ABCA1: variants seen among roughly 807,000 people sequenced by gnomAD.
The protein encoded by ABCA1 is phospholipid-transporting ATPase ABCA1.
A neutral mutation model predicts 262.5 loss-of-function variants in ABCA1; 133 were observed. The ratio of observed to expected loss-of-function variants is 0.51; its 90% confidence interval spans 0.44 to 0.59. The LOEUF (loss-of-function observed/expected upper bound fraction) is 0.59. ABCA1 is among the 20% of genes least tolerant of loss of function. ABCA1 has a pLI of 0.00. For missense variants in ABCA1, 2,452 were observed against 2,777.5 expected (o/e 0.88, Z 2.63); for synonymous variants, 1,022 against 1,043.5 (o/e 0.98, Z 0.40).
chr9:104,869,690 T>C (rs1338241033), intron 5 of ABCA1, among the ~76,000 whole-genome samples: 1 of 152,104 alleles, frequency 6.6e-6, no homozygotes, highest in Non-Finnish European at 1.5e-5. Flanking sequence ...GCCAGGGGTG[T>C]GTGGTACACA....
At chr9:104,796,513 G>A (rs1334870926) in intron 37 of ABCA1, 89 bp from the exon 38 acceptor site, 4 of 972,830 alleles carry the variant, frequency 4.1e-6, no homozygotes, top group Non-Finnish European at 6.5e-6. Context: ...GACAAGAAAG[G>A]GCAGATAAAC....
intron 1 of ABCA1, among the ~76,000 whole-genome samples, chr9:104,910,944 T>G (rs1190320356): frequency 6.6e-6 from 1 of 152,196 alleles, no homozygotes; most frequent in African/African-American, 2.4e-5. Context: ...TGACCTCAAG[T>G]GATCTACCTG....
At chr9:104,812,891 G>C (rs1242461938) in intron 27 of ABCA1, among the ~76,000 whole-genome samples, 169 bp from the exon 28 acceptor site, 4 of 152,228 alleles carry the variant, frequency 2.6e-5, no homozygotes, top group Admixed American at 1.3e-4. Context: ...GGAAAAGCTT[G>C]ACTCAAAATG....
intron 10 of ABCA1, 91 bp from the exon 11 acceptor site, chr9:104,837,187 C>T: frequency 8.6e-7 from 1 of 1,165,772 alleles, no homozygotes. Flanking sequence ...GATACCCCAT[C>T]ACAGCAGCCC....
intron 5 of ABCA1, among the ~76,000 whole-genome samples, chr9:104,881,992 CTTTTACTGCCCAAGGAAAGCACAG>C (rs1309112254): frequency 1.6e-5 from 2 of 128,882 alleles, no homozygotes; most frequent in African/African-American, 5.8e-5. Flanking sequence ...CCCATTGCCT[CTTTTACTGCCCAAGGAAAGCACAG>C]TTCTGTAGCC....
intron 1 of ABCA1, among the ~76,000 whole-genome samples, chr9:104,926,426 C>T (rs1370250552): frequency 6.8e-6 from 1 of 148,114 alleles, no homozygotes; most frequent in Admixed American, 6.9e-5. Context: ...TACCAATGGC[C>T]TGGGAGTTGG....
chr9:104,806,618 A>C (rs1306343108), intron 30 of ABCA1, among the ~76,000 whole-genome samples, 188 bp from the exon 31 acceptor site: 1 of 152,228 alleles, frequency 6.6e-6, no homozygotes, highest in East Asian at 1.9e-4. Flanking sequence ...GACATCATTT[A>C]TATCATCATT....
At position 104,920,640 on chromosome 9, in the gene ABCA1, T is replaced by C. The variant is rs1470675026; in HGVS notation, c.-93+7295A>G. Among the ~76,000 whole-genome samples, 5 of 152,256 alleles carry C rather than the reference T, an allele frequency of 3.3e-5. No individual in the cohort carries two copies. The South Asian group carries it at 1.0e-3, about 32-fold the overall frequency. Reference sequence around the variant, plus strand: ...GATTCTTCTGCCTAAGCCTCCTGAGTAGCTGGGATTACAGGCTTGCACCAC... The same window carrying C: ...GATTCTTCTGCCTAAGCCTCCTGAGCAGCTGGGATTACAGGCTTGCACCAC... On this transcript the variant is annotated intron_variant, in intron 1 of 49. Transcript: ENST00000374736.
chr9:104,862,057 C>CACACACACACACACACACACAT (rs1836451378), intron 5 of ABCA1, among the ~76,000 whole-genome samples: 1 of 148,960 alleles, frequency 6.7e-6, no homozygotes, highest in African/African-American at 2.5e-5. Context: ...GTTACACACA[C>CACACACACACACACACACACAT]ACACACACAC....
Position 104,812,726 on chromosome 9 carries a change from C to T in ABCA1, c.3902-4G>A. 6.2e-7 allele frequency: 1 copy of T among 1,614,214 alleles called. No homozygotes were observed. Among genetic ancestry groups the T allele is most frequent in the Non-Finnish European group, 8.5e-7 (1 of 1,180,032 alleles). The stretch of plus-strand genomic sequence containing the variant: ...AGCAAGTCTGTCTCTCTGGATTCTG[C>T]AAGAAGCCAACACTGAAGGTCACCT... On this transcript the variant is annotated splice_region_variant and splice_polypyrimidine_tract_variant and intron_variant, in intron 27 of 49. Transcript: ENST00000374736.
At chr9:104,862,478 C>T (rs2119108342) in intron 5 of ABCA1, among the ~76,000 whole-genome samples, 1 of 152,042 alleles carries the variant, frequency 6.6e-6, no homozygotes, top group African/African-American at 2.4e-5. Flanking sequence ...TCCTGTCTCC[C>T]CACTGCCTTT....
At chr9:104,819,010 C>A in intron 22 of ABCA1, 127 bp from the exon 23 acceptor site, 1 of 865,872 alleles carries the variant, frequency 1.2e-6, no homozygotes, top group Non-Finnish European at 1.9e-6. Context: ...CCACCTTTCA[C>A]CCTGTATGGC....
At chr9:104,868,301 G>A (rs146744108) in intron 5 of ABCA1, among the ~76,000 whole-genome samples, 6,608 of 152,216 alleles carry the variant, frequency 0.043, 146 homozygotes, top group African/African-American at 0.049. Flanking sequence ...GCAGTGAGCC[G>A]AGATCACGCC....
In ABCA1 at chr9:104,796,171, G is replaced by A. The variant is rs1335780959; in HGVS notation, c.5264C>T (p.Pro1755Leu). 6.2e-7 allele frequency: 1 copy of A among 1,614,008 alleles called. No individual in the cohort carries two copies. The highest frequency in any genetic ancestry group is 8.5e-7 in the Non-Finnish European group (1 of 1,180,028). The change falls in exon 39 of 50, where the codon CCA becomes CTA. Residue 1755 changes from proline (P) to leucine (L), a missense_variant. Physicochemically the swap from Pro to Leu is moderately conservative, Grantham distance 98. Coordinates refer to ENST00000374736, the MANE Select transcript of ABCA1 (RefSeq NM_005502.4). ...GGGGATCTTGAACACAAAGGAGGCT[G>A]GGTACATGAGAGGTGTGATTGACCA... is the stretch of plus-strand genomic sequence containing the variant. ...YGWSITPLMY[P>L]ASFVFKIPST... is the part of the protein sequence containing the mutation.
Position 104,802,069 on chromosome 9 carries a change from G to A in ABCA1, c.4683C>T (p.His1561=). 1 of 1,614,072 alleles carries A rather than the reference G, an allele frequency of 6.2e-7. No individual in the cohort carries two copies. The highest frequency in any genetic ancestry group is 1.1e-5 in the South Asian group (1 of 91,074). Residue 1561 remains histidine (H), a synonymous_variant, in exon 34 of 50, where the codon CAC becomes CAT. Transcript: ENST00000374736. ...VNDAIKQMKK[H]LKLAKDSSAD... is the part of the protein sequence containing the mutation. The stretch of plus-strand genomic sequence containing the variant: ...GATATTTTACCTTGGCCAGCTTTAG[G>A]TGTTTCTTCATTTGTTTGATGGCAT...
chr9:104,883,410 C>T (rs201892652), intron 4 of ABCA1, among the ~76,000 whole-genome samples: 6 of 152,136 alleles, frequency 3.9e-5, no homozygotes, highest in Non-Finnish European at 7.3e-5. Context: ...CTTCAAGGCC[C>T]GGCTCATCAT....
intron 9 of ABCA1, among the ~76,000 whole-genome samples, chr9:104,839,216 A>G (rs1834135648): frequency 6.6e-6 from 1 of 152,226 alleles, no homozygotes; most frequent in Non-Finnish European, 1.5e-5. Flanking sequence ...ATGGAGACAC[A>G]GGGTTCTTTA....
chr9:104,833,673 C>T lies in ABCA1; in HGVS notation c.1312-902G>A, dbSNP rs550626858. On this transcript the variant is annotated intron_variant, in intron 11 of 49. Coordinates refer to ENST00000374736, the MANE Select transcript of ABCA1 (RefSeq NM_005502.4). ...CTTTTGAGACCCAGTCTGTTGATCC[C>T]ACATAAAACCTAATTCCTTCTTACT... Among the ~76,000 whole-genome samples, 2 of 152,266 alleles carry T rather than the reference C, an allele frequency of 1.3e-5. 1 individual carries two copies. The highest frequency in any genetic ancestry group is 4.8e-5 in the African/African-American group (2 of 41,554).
Position 104,788,116 on chromosome 9 carries a change from C to CACATGTCCTACACAT in ABCA1, c.6070-63_6070-62insATGTGTAGGACATGT, listed in dbSNP as rs536169810. 3,874 of 1,531,120 alleles carry CACATGTCCTACACAT rather than the reference C, an allele frequency of 2.5e-3. 8 individuals carry two copies. Among genetic ancestry groups the CACATGTCCTACACAT allele is most frequent in the Middle Eastern group, 5.2e-3 (31 of 5,912 alleles). 94.8% of individuals were successfully genotyped at this position (1,531,120 alleles called of 1,614,324 possible). On this transcript the variant is annotated intron_variant, in intron 45 of 49. Coordinates refer to ENST00000374736, the MANE Select transcript of ABCA1 (RefSeq NM_005502.4). ...TTGGGAATTTTATCATGCTGTCCTA[C>CACATGTCCTACACAT]ACATACATGTATGAAAGTTCTTTCA...
Sources: allele counts gnomAD v4.1 joint callset (sites outside exome capture counted in the v4.1 genomes callset), GRCh38; gene constraint gnomAD v4.1.1; transcripts MANE v1.5; gene names NCBI Gene and HGNC (gene_info 2026-07-23, HGNC 2026-07-21).